Variants in TRIOBP observed in about 807,000 individuals in gnomAD.
TRIOBP encodes the protein TRIO and F-actin-binding protein.
TRIOBP carries 169 observed loss-of-function variants against 238.8 expected under a neutral mutation model. The observed-to-expected ratio is 0.71, with a 90% CI of 0.62 to 0.80. The LOEUF (loss-of-function observed/expected upper bound fraction) is 0.80, where lower values mean the gene tolerates loss of function less well. Ranked by LOEUF, TRIOBP falls within the 30% of genes least tolerant of loss-of-function variation. TRIOBP has a pLI of 0.00. For synonymous variants in TRIOBP, 1,150 were observed against 1,274.4 expected (o/e 0.90, Z 2.08); for missense variants, 2,838 against 3,122.6 (o/e 0.91, Z 2.17).
At chr22:37,717,269 C>T (rs371543732) in intron 6 of TRIOBP, among the ~76,000 whole-genome samples, 19 of 152,176 alleles carry the variant, frequency 1.2e-4, no homozygotes, top group Admixed American at 5.9e-4. Context: ...TCGTGGTGAG[C>T]GTTACAGCTC....
rs560773781 is a variant in TRIOBP at position 37,744,882 on chromosome 22, T to C, written c.5322+3850T>C. On this transcript the variant is annotated intron_variant, in intron 11 of 23. Transcript: ENST00000644935. Reference sequence around the variant, plus strand: ...ATTATAAAAGCAATAATTTTTTTTTTTGAGAGGGAGTCTCGCTCCGTCTCC... The same window carrying C: ...ATTATAAAAGCAATAATTTTTTTTTCTGAGAGGGAGTCTCGCTCCGTCTCC... 4.9e-4 allele frequency among the ~76,000 whole-genome samples: 75 copies of C among 152,124 alleles called. No homozygotes were observed. The South Asian group carries it at 0.015, about 31-fold the overall frequency.
intron 16 of TRIOBP, 26 bp from the exon 17 acceptor site, chr22:37,759,128 C>G: frequency 6.3e-7 from 1 of 1,585,034 alleles, no homozygotes; most frequent in Non-Finnish European, 8.6e-7. Flanking sequence ...CTTCCAGGTC[C>G]CACTGACCAC....
At chr22:37,721,659 G>T (rs944220084) in intron 6 of TRIOBP, among the ~76,000 whole-genome samples, 9 of 152,104 alleles carry the variant, frequency 5.9e-5, no homozygotes, top group Non-Finnish European at 1.2e-4. Context: ...TAAAAAACTT[G>T]TAGTAGAGAC....
chr22:37,764,472 C>G (rs1926389131), intron 17 of TRIOBP, among the ~76,000 whole-genome samples: 2 of 152,198 alleles, frequency 1.3e-5, no homozygotes, highest in African/African-American at 4.8e-5. Flanking sequence ...CAAGCTCGAT[C>G]CCATCATTTA....
intron 3 of TRIOBP, among the ~76,000 whole-genome samples, chr22:37,704,544 G>A (rs1374713898): frequency 6.6e-6 from 1 of 151,816 alleles, no homozygotes; most frequent in Non-Finnish European, 1.5e-5. Context: ...TCTTCATGGG[G>A]CTTATATTCT....
Position 37,735,213 on chromosome 22 carries a change from C to T in TRIOBP, c.4877C>T (p.Ser1626Leu). Residue 1626 changes from serine to leucine, a missense_variant, in exon 9 of 24, where the codon TCA becomes TTA. This residue lies in a region of TRIOBP where 2,096 missense variants were observed against 2,137.4 expected (regional missense o/e 0.98). Transcript: ENST00000644935. ...ACAAACGATGTCCCTGAGCAGGAGT[C>T]ACACAGCCAGCCAGAAGGCTGGGCC... is the stretch of plus-strand genomic sequence containing the variant. ...PGTNDVPEQE[S>L]HSQPEGWAEA... 1 of 1,607,480 alleles carries T rather than the reference C, an allele frequency of 6.2e-7. No homozygotes were observed.
At chr22:37,767,311 A>AG (rs1926552902) in intron 18 of TRIOBP, among the ~76,000 whole-genome samples, 1 of 150,452 alleles carries the variant, frequency 6.6e-6, no homozygotes, top group African/African-American at 2.5e-5. Flanking sequence ...TCTCAAAAAA[A>AG]AAAAGAAAGA....
At chr22:37,721,714 C>T (rs936685101) in intron 6 of TRIOBP, among the ~76,000 whole-genome samples, 2 of 152,130 alleles carry the variant, frequency 1.3e-5, no homozygotes, top group Non-Finnish European at 2.9e-5. Context: ...CTCCTGAGCT[C>T]GAGTGATCCT....
chr22:37,724,861 A>G lies in TRIOBP; in HGVS notation c.2305A>G (p.Arg769Gly). The G allele has an allele frequency of 1.2e-6, 2 of 1,613,620 alleles. No homozygotes were observed. The highest frequency in any genetic ancestry group is 1.7e-6 in the Non-Finnish European group (2 of 1,179,918). Reference protein sequence around the residue: ...PNRTIQQENLRTSCTRQDNPR... With the variant: ...PNRTIQQENLGTSCTRQDNPR... ...CAGAACCATCCAACAAGAGAACCTC[A>G]GAACATCCTGTACCCGACAGGACAA... Residue 769 changes from arginine (R) to glycine (G), a missense_variant, in exon 7 of 24, where the codon AGA becomes GGA. Arg to Gly is a moderately radical substitution (Grantham distance 125). Coordinates refer to ENST00000644935, the MANE Select transcript of TRIOBP (RefSeq NM_001039141.3).
intron 4 of TRIOBP, among the ~76,000 whole-genome samples, chr22:37,711,255 C>T (rs1923221738): frequency 6.6e-6 from 1 of 152,114 alleles, no homozygotes; most frequent in African/African-American, 2.4e-5. Flanking sequence ...ATGTGCTCCT[C>T]ACAGGTAGGC....
Position 37,774,030 on chromosome 22 carries a change from A to G in TRIOBP, c.*250A>G, listed in dbSNP as rs528081729. 5.4e-5 allele frequency: 8 copies of G among 148,178 alleles called. No individual in the cohort carries two copies. In the South Asian group the frequency reaches 6.5e-4, roughly 12 times the overall value. 9.2% of individuals were successfully genotyped at this position (148,178 alleles called of 1,614,324 possible). A position where few individuals can be genotyped will look rare whatever the true frequency, so the allele number is the denominator to read the frequency against. On this transcript the variant is annotated 3_prime_UTR_variant, in exon 24 of 24. Coordinates refer to ENST00000644935, the MANE Select transcript of TRIOBP (RefSeq NM_001039141.3). The stretch of plus-strand genomic sequence containing the variant: ...CTGCATATCTGAGCGCGCCCCTCGC[A>G]CTGGGTCTCACCTTGCACCTTCTTC...
intron 7 of TRIOBP, among the ~76,000 whole-genome samples, chr22:37,729,189 A>AT (rs1220248862): frequency 6.7e-6 from 1 of 149,440 alleles, no homozygotes; most frequent in Admixed American, 6.6e-5. Context: ...AAGTGCTGGG[A>AT]TTATAGGCGT....
At chr22:37,738,275 G>A (rs1190234679) in intron 9 of TRIOBP, among the ~76,000 whole-genome samples, 1 of 152,182 alleles carries the variant, frequency 6.6e-6, no homozygotes, top group East Asian at 1.9e-4. Flanking sequence ...ATGGATGGAT[G>A]AACTTTGGGT....
chr22:37,758,372 A>G (rs1926058021), intron 16 of TRIOBP, among the ~76,000 whole-genome samples: 1 of 152,086 alleles, frequency 6.6e-6, no homozygotes, highest in Admixed American at 6.5e-5. Context: ...AGCCATAGAG[A>G]AGAGAAGTGG....
Position 37,725,896 on chromosome 22 carries a change from A to G in TRIOBP, c.3340A>G (p.Ile1114Val), listed in dbSNP as rs1437187243. Reference sequence around the variant, plus strand: ...CCTTCAGCTCCCTGCACCTGTGTGTATTGGGTACCGAGATGCACCCCGGGC... The same window carrying G: ...CCTTCAGCTCCCTGCACCTGTGTGTGTTGGGTACCGAGATGCACCCCGGGC... ...EPLQLPAPVC[I>V]GYRDAPRASS... The change falls in exon 7 of 24, where the codon ATT becomes GTT. Residue 1114 changes from isoleucine (I) to valine (V), a missense_variant. Ile to Val is a conservative substitution (Grantham distance 29). This residue lies in a region of TRIOBP where 2,096 missense variants were observed against 2,137.4 expected (regional missense o/e 0.98). Transcript: ENST00000644935. The G allele has an allele frequency of 2.5e-6, 4 of 1,611,970 alleles. No homozygotes were observed. Among genetic ancestry groups the G allele is most frequent in the Non-Finnish European group, 3.4e-6 (4 of 1,179,702 alleles).
chr22:37,760,712 C>T (rs576209390), intron 17 of TRIOBP, among the ~76,000 whole-genome samples: 56 of 152,280 alleles, frequency 3.7e-4, no homozygotes, highest in Non-Finnish European at 6.0e-4. Flanking sequence ...CAGTGGCTCA[C>T]GCCTGTAATC....
intron 11 of TRIOBP, chr22:37,746,214 T>TA: frequency 2.4e-6 from 1 of 417,502 alleles, no homozygotes. Context: ...CCAGGAAGTT[T>TA]GAAAAAAAAA....
At chr22:37,721,079 A>T (rs1178406861) in intron 6 of TRIOBP, among the ~76,000 whole-genome samples, 1 of 147,288 alleles carries the variant, frequency 6.8e-6, no homozygotes, top group Non-Finnish European at 1.5e-5. Flanking sequence ...CCGTGTTAGC[A>T]GGGCTGGTAT....
intron 7 of TRIOBP, among the ~76,000 whole-genome samples, chr22:37,727,920 T>G (rs1924253138): frequency 6.6e-6 from 1 of 152,006 alleles, no homozygotes; most frequent in South Asian, 2.1e-4. Flanking sequence ...TTAGTTAGGG[T>G]CAAGAGAACA....
Sources: gnomAD v4.1 joint callset for allele counts (sites outside exome capture counted in the v4.1 genomes callset) on GRCh38, gnomAD v4.1.1 for gene constraint, gnomAD v4.1.1 regional missense constraint, MANE v1.5 for transcripts, NCBI Gene and HGNC (gene_info 2026-07-23, HGNC 2026-07-21) for gene names.